The following VAMP3 variants were observed in gnomAD, a reference collection of about 807,000 sequenced individuals.
VAMP3 encodes vesicle associated membrane protein 3.
VAMP3 carries 11 observed loss-of-function variants against 18.1 expected under a neutral mutation model. The ratio of observed to expected loss-of-function variants is 0.61; its 90% CI spans 0.38 to 1.00. The LOEUF (loss-of-function observed/expected upper bound fraction) is 1.00, where lower values mean the gene tolerates loss of function less well. VAMP3 is among the 50% of genes least tolerant of loss of function. The pLI, the probability that VAMP3 is intolerant of heterozygous loss-of-function variation, is 0.01. For missense variants in VAMP3, 122 were observed against 127.3 expected, an observed-to-expected ratio of 0.96 and a Z score of 0.20; for synonymous variants, 49 against 43.1, an observed-to-expected ratio of 1.14 and a Z score of -0.53.
In VAMP3 at chr1:7,780,252, G is replaced by A. The variant is rs2097056429; in HGVS notation, c.*607G>A. On this transcript the variant is annotated 3_prime_UTR_variant, in exon 5 of 5. Transcript: ENST00000054666. ...TTATGTATCACTTGCTAAAAATATT[G>A]TTTTAATCAGAGATAACCTCTTTAA... 1 of 152,430 alleles carries A rather than the reference G, an allele frequency of 6.6e-6. No individual in the cohort carries two copies. The highest frequency in any genetic ancestry group is 6.6e-5 in the Admixed American group (1 of 15,256). The allele number at this position is 152,430 out of a possible 1,614,324, so 9.4% of individuals were successfully genotyped here.
Position 7,771,300 on chromosome 1 carries a change from C to A in VAMP3, c.-84C>A, listed in dbSNP as rs1265065314. ...GTCTTTGCCCCGCGCCGCGCCGTCC[C>A]ACCCATCTCCCTGGCCTCCGGTCCC... On this transcript the variant is annotated 5_prime_UTR_variant, in exon 1 of 5. Coordinates refer to ENST00000054666, the MANE Select transcript of VAMP3 (RefSeq NM_004781.4). 5 of 1,553,476 alleles carry A rather than the reference C, an allele frequency of 3.2e-6. No homozygotes were observed. The highest frequency in any genetic ancestry group is 1.1e-5 in the South Asian group (1 of 87,002).
At position 7,777,152 on chromosome 1, in the gene VAMP3, T is replaced by C; in HGVS notation, c.73-8T>C. Reference sequence around the variant, plus strand: ...TGTGCATTACTTGCTGTGATCACACTCATCTAGGTGGTGGACATAATGCGA... The same window carrying C: ...TGTGCATTACTTGCTGTGATCACACCCATCTAGGTGGTGGACATAATGCGA... On this transcript the variant is annotated splice_region_variant and splice_polypyrimidine_tract_variant and intron_variant, in intron 2 of 4. Coordinates refer to ENST00000054666, the MANE Select transcript of VAMP3 (RefSeq NM_004781.4). The C allele has an allele frequency of 6.3e-7, 1 of 1,598,922 alleles. No individual in the cohort carries two copies. The highest frequency in any genetic ancestry group is 8.5e-7 in the Non-Finnish European group (1 of 1,171,276).
Position 7,780,975 on chromosome 1 carries a change from G to A in VAMP3, c.*1330G>A. The A allele has an allele frequency of 6.5e-6, 1 of 152,726 alleles. No individual in the cohort carries two copies. The highest frequency in any genetic ancestry group is 1.5e-5 in the Non-Finnish European group (1 of 68,048). The allele number at this position is 152,726 out of a possible 1,614,324, so 9.5% of individuals were successfully genotyped here. A position where few individuals can be genotyped will look rare whatever the true frequency, so the allele number is the denominator to read the frequency against. ...CCACAGCTTAAAGATGGGAATTCAG[G>A]TATGAAAGAAAACAGGCAAGGAGGC... On this transcript the variant is annotated 3_prime_UTR_variant, in exon 5 of 5. Transcript: ENST00000054666.
chr1:7,777,196 C>T lies in VAMP3; in HGVS notation c.109C>T (p.Leu37=). ...DIMRVNVDKV[L]ERDQKLSELD... ...AATGCGAGTTAACGTGGACAAGGTT[C>T]TGGAAAGAGACCAGAAGCTCTCTGA... Residue 37 remains leucine (L), a synonymous_variant, in exon 3 of 5, where the codon CTG becomes TTG. Coordinates refer to ENST00000054666, the MANE Select transcript of VAMP3 (RefSeq NM_004781.4). 6.2e-7 allele frequency: 1 copy of T among 1,613,688 alleles called. No homozygotes were observed. The highest frequency in any genetic ancestry group is 1.7e-4 in the Middle Eastern group (1 of 6,060).
Position 7,778,175 on chromosome 1 carries a change from T to A in VAMP3, c.283+6T>A. Reference sequence around the variant, plus strand: ...CTTCATCATCATCATCATCGGTGAGTTACCCTTTTCTAAACTGATTGGAAA... The same window carrying A: ...CTTCATCATCATCATCATCGGTGAGATACCCTTTTCTAAACTGATTGGAAA... On this transcript the variant is annotated splice_donor_region_variant and intron_variant, in intron 4 of 4. Coordinates refer to ENST00000054666, the MANE Select transcript of VAMP3 (RefSeq NM_004781.4). 1.9e-6 allele frequency: 3 copies of A among 1,614,144 alleles called. No homozygotes were observed. The highest frequency in any genetic ancestry group is 2.5e-6 in the Non-Finnish European group (3 of 1,180,000).
intron 4 of VAMP3, among the ~76,000 whole-genome samples, chr1:7,779,090 G>A (rs893341147): frequency 6.6e-6 from 1 of 152,154 alleles, no homozygotes. Flanking sequence ...AGCTACTGGG[G>A]AGGCTGAGGC....
rs2097056025 is a variant in VAMP3 at position 7,779,519 on chromosome 1, A to T, written c.284-107A>T. 43 of 1,496,534 alleles carry T rather than the reference A, an allele frequency of 2.9e-5. 1 individual carries two copies. In the South Asian group the frequency reaches 5.0e-4, roughly 17 times the overall value. 92.7% of individuals were successfully genotyped at this position (1,496,534 alleles called of 1,614,324 possible). Reference sequence around the variant, plus strand: ...CAGTAGTAGGAAATCAGCCCAGTCTAATTTCTGATCACATTTAGACTGCAG... The same window carrying T: ...CAGTAGTAGGAAATCAGCCCAGTCTTATTTCTGATCACATTTAGACTGCAG... On this transcript the variant is annotated intron_variant, in intron 4 of 4. Coordinates refer to ENST00000054666, the MANE Select transcript of VAMP3 (RefSeq NM_004781.4).
chr1:7,771,983 A>G (rs775776762), intron 1 of VAMP3, among the ~76,000 whole-genome samples: 6 of 152,180 alleles, frequency 3.9e-5, no homozygotes, highest in Admixed American at 6.5e-5. Context: ...CATTCTGCTC[A>G]TTGCTCACCG....
At chr1:7,775,535 G>A (rs2097053918) in intron 2 of VAMP3, among the ~76,000 whole-genome samples, 1 of 152,028 alleles carries the variant, frequency 6.6e-6, no homozygotes, top group South Asian at 2.1e-4. Context: ...TTTTAGTAGA[G>A]ACAGTGGTTC....
Position 7,771,381 on chromosome 1 carries a change from A to G in VAMP3, c.-3A>G. 1.3e-6 allele frequency: 2 copies of G among 1,592,406 alleles called. No homozygotes were observed. Among genetic ancestry groups the G allele is most frequent in the Non-Finnish European group, 1.7e-6 (2 of 1,172,918 alleles). ...CGCCGCTGCCGCCGCCGCAGCTGCC[A>G]AAATGTGAGTGACGCTACGCGACGC... is the stretch of plus-strand genomic sequence containing the variant. On this transcript the variant is annotated 5_prime_UTR_variant, in exon 1 of 5. Transcript: ENST00000054666.
chr1:7,779,101 A>AGGAGAATGGCATGAACCCGGGAGGC (rs1558354528), intron 4 of VAMP3, among the ~76,000 whole-genome samples: 6 of 152,176 alleles, frequency 3.9e-5, no homozygotes, highest in African/African-American at 1.4e-4. Context: ...AGGCTGAGGC[A>AGGAGAATGGCATGAACCCGGGAGGC]GGAGAATGGC....
chr1:7,771,374 A>C lies in VAMP3; in HGVS notation c.-10A>C, dbSNP rs758247633. On this transcript the variant is annotated 5_prime_UTR_variant, in exon 1 of 5. Coordinates refer to ENST00000054666, the MANE Select transcript of VAMP3 (RefSeq NM_004781.4). ...CTCTCGTCGCCGCTGCCGCCGCCGCAGCTGCCAAAATGTGAGTGACGCTAC... is the reference window on the plus strand; with the variant it reads ...CTCTCGTCGCCGCTGCCGCCGCCGCCGCTGCCAAAATGTGAGTGACGCTAC... 6.3e-6 allele frequency: 10 copies of C among 1,593,850 alleles called. No individual in the cohort carries two copies. In the South Asian group the frequency reaches 1.1e-4, roughly 18 times the overall value.
chr1:7,771,429 C>G (rs1334276225), intron 1 of VAMP3, 44 bp downstream of exon 1: 1 of 1,519,670 alleles, frequency 6.6e-7, no homozygotes, highest in Admixed American at 2.0e-5. Context: ...GCCCCGCAGG[C>G]GGCAGCTCGC....
chr1:7,778,589 T>A (rs2097055543), intron 4 of VAMP3, among the ~76,000 whole-genome samples: 2 of 152,162 alleles, frequency 1.3e-5, no homozygotes, highest in South Asian at 4.1e-4. Flanking sequence ...CTTTAATAAA[T>A]GTTTTAAGTA....
rs199871347 is a variant in VAMP3, at chr1:7,779,650, C to A, written c.*5C>A. On this transcript the variant is annotated 3_prime_UTR_variant, in exon 5 of 5. Coordinates refer to ENST00000054666, the MANE Select transcript of VAMP3 (RefSeq NM_004781.4). ...GTGTGGGTTGTCTCTTCATGAAGAA[C>A]CAGCGGAACTCAAAACTGCTGTTCA... 9 of 1,614,090 alleles carry A rather than the reference C, an allele frequency of 5.6e-6. No individual in the cohort carries two copies. In the South Asian group the frequency reaches 9.9e-5, roughly 18 times the overall value.
chr1:7,777,436 T>TTTCCATGTGGA, intron 3 of VAMP3, 118 bp downstream of exon 3: 13 of 1,301,782 alleles, frequency 1.0e-5, no homozygotes, highest in Non-Finnish European at 1.3e-5. Flanking sequence ...TTCCTCCACA[T>TTTCCATGTGGA]GGAAATGTGG....
intron 4 of VAMP3, among the ~76,000 whole-genome samples, chr1:7,778,818 T>C (rs900258876): frequency 5.3e-5 from 8 of 152,234 alleles, no homozygotes; most frequent in Non-Finnish European, 8.8e-5. Context: ...TCTCTGGGTT[T>C]CTGTTTCCTC....
chr1:7,774,925 G>A (rs1478742921), intron 2 of VAMP3, among the ~76,000 whole-genome samples: 1 of 152,228 alleles, frequency 6.6e-6, no homozygotes, highest in East Asian at 1.9e-4. Flanking sequence ...ATACCTAGGA[G>A]TAGCATTGCT....
chr1:7,778,115 C>T lies in VAMP3; in HGVS notation c.232-3C>T. On this transcript the variant is annotated splice_polypyrimidine_tract_variant and splice_region_variant and intron_variant, in intron 3 of 4. Transcript: ENST00000054666. ...TGTGATATGGACATATGTTTTGTTACAGATGTGGGCAATCGGGATTACTGT... is the reference window on the plus strand; with the variant it reads ...TGTGATATGGACATATGTTTTGTTATAGATGTGGGCAATCGGGATTACTGT... The T allele has an allele frequency of 6.2e-7, 1 of 1,614,092 alleles. No individual in the cohort carries two copies. Among genetic ancestry groups the T allele is most frequent in the South Asian group, 1.1e-5 (1 of 91,084 alleles).
Sources: allele counts gnomAD v4.1 joint callset (sites outside exome capture counted in the v4.1 genomes callset), GRCh38; gene constraint gnomAD v4.1.1; transcripts MANE v1.5; gene names NCBI Gene and HGNC (gene_info 2026-07-23, HGNC 2026-07-21).